Variants in SNX29 observed in about 807,000 individuals in gnomAD.
The protein encoded by SNX29 is sorting nexin 29, also known as sorting nexin-29.
A neutral mutation model predicts 102.1 loss-of-function variants in SNX29; 78 were observed. The observed-to-expected ratio is 0.76, with a 90% confidence interval of 0.64 to 0.92. SNX29 has a LOEUF of 0.92. SNX29 is among the 40% of genes least tolerant of loss of function. SNX29 has a pLI of 0.00. For synonymous variants in SNX29, 580 were observed against 414.5 expected (o/e 1.40, Z -4.85); for missense variants, 1,280 against 1,061.7 (o/e 1.21, Z -2.86).
chr16:12,323,517 TA>T (rs33988318), intron 15 of SNX29, among the ~76,000 whole-genome samples: 7,074 of 146,278 alleles, frequency 0.048, 256 homozygotes, highest in African/African-American at 0.1. Context: ...CTAGAGGTTT[TA>T]AAAAAAAAAA....
At chr16:12,297,773 T>C (rs1302681128) in intron 15 of SNX29, among the ~76,000 whole-genome samples, 2 of 152,212 alleles carry the variant, frequency 1.3e-5, no homozygotes, top group East Asian at 3.9e-4. Flanking sequence ...GGAATATCGT[T>C]GATTGGCTTC....
intron 18 of SNX29, among the ~76,000 whole-genome samples, chr16:12,422,485 G>A (rs1260665078): frequency 6.6e-6 from 1 of 152,196 alleles, no homozygotes; most frequent in African/African-American, 2.4e-5. Flanking sequence ...CAAATCCCCT[G>A]CTGCAAAAAG....
chr16:12,356,357 G>A (rs1021853342), intron 16 of SNX29, 78 bp downstream of exon 16: 17 of 1,363,716 alleles, frequency 1.2e-5, no homozygotes, highest in African/African-American at 1.4e-5. Flanking sequence ...GAGACTCACA[G>A]AGCAAGCAAC....
chr16:12,500,258 A>C (rs950512607), intron 19 of SNX29, among the ~76,000 whole-genome samples: 1 of 152,194 alleles, frequency 6.6e-6, no homozygotes, highest in Non-Finnish European at 1.5e-5. Flanking sequence ...TCAGTCTCCC[A>C]AAGTGCTAGG....
intron 19 of SNX29, among the ~76,000 whole-genome samples, chr16:12,487,742 G>A (rs1046775774): frequency 2.0e-5 from 3 of 152,136 alleles, no homozygotes; most frequent in Non-Finnish European, 4.4e-5. Flanking sequence ...ACCATCCCCC[G>A]CAACTGCTAG....
intron 20 of SNX29, among the ~76,000 whole-genome samples, chr16:12,534,760 TC>T (rs1252586078): frequency 2.0e-5 from 3 of 152,230 alleles, no homozygotes; most frequent in African/African-American, 7.2e-5. Context: ...TGGCTTTCTT[TC>T]TGCGTCTACC....
intron 20 of SNX29, among the ~76,000 whole-genome samples, chr16:12,563,102 G>A (rs1016509800): frequency 1.7e-4 from 24 of 142,102 alleles, no homozygotes; most frequent in Non-Finnish European, 2.1e-4. Flanking sequence ...GAAGACGCAC[G>A]CTAACAACAG....
At chr16:12,195,345 C>T (rs1162641940) in intron 13 of SNX29, among the ~76,000 whole-genome samples, 1 of 152,218 alleles carries the variant, frequency 6.6e-6, no homozygotes, top group Non-Finnish European at 1.5e-5. Flanking sequence ...CATCCTCATG[C>T]ATATGGTTTT....
At chr16:12,163,025 G>T (rs967662488) in intron 13 of SNX29, among the ~76,000 whole-genome samples, 4 of 152,122 alleles carry the variant, frequency 2.6e-5, no homozygotes, top group African/African-American at 7.2e-5. Context: ...GGGGCTACAG[G>T]CATGTACCAC....
chr16:12,069,645 G>A (rs1012284610), intron 10 of SNX29, among the ~76,000 whole-genome samples: 1 of 152,218 alleles, frequency 6.6e-6, no homozygotes, highest in Non-Finnish European at 1.5e-5. Context: ...GGTAGATGAC[G>A]AATGTCAACA....
At chr16:12,036,040 G>A (rs1264505800) in intron 4 of SNX29, among the ~76,000 whole-genome samples, 9 of 152,134 alleles carry the variant, frequency 5.9e-5, no homozygotes, top group African/African-American at 1.9e-4. Context: ...GCCCAGCTCC[G>A]TGGGGTTGGA....
intron 18 of SNX29, among the ~76,000 whole-genome samples, chr16:12,463,752 A>G (rs113472364): frequency 0.055 from 8,421 of 152,084 alleles, 775 homozygotes; most frequent in African/African-American, 0.19. Flanking sequence ...TGATGGTTTG[A>G]TGTACATATA....
At chr16:12,203,886 G>T (rs959823387) in intron 14 of SNX29, among the ~76,000 whole-genome samples, 2 of 152,196 alleles carry the variant, frequency 1.3e-5, no homozygotes, top group Non-Finnish European at 2.9e-5. Context: ...CCACATGTGG[G>T]TAGTGAACAT....
At chr16:12,087,990 G>A (rs1440704325) in intron 11 of SNX29, 1 of 456,680 alleles carries the variant, frequency 2.2e-6, no homozygotes, top group Admixed American at 2.3e-5. Flanking sequence ...CCTGTGCAGG[G>A]GGCCATGGTC....
chr16:12,557,341 TCAG>T (rs1009094312), intron 20 of SNX29: 1 of 151,852 alleles, frequency 6.6e-6, no homozygotes, highest in Non-Finnish European at 1.5e-5. Flanking sequence ...GGGAAGAACC[TCAG>T]AAGAGGGTGG....
intron 17 of SNX29, among the ~76,000 whole-genome samples, chr16:12,402,580 C>T (rs771851423): frequency 1.3e-5 from 2 of 152,138 alleles, no homozygotes; most frequent in South Asian, 2.1e-4. Flanking sequence ...TGGATCCAGC[C>T]GGGTACAAAT....
intron 15 of SNX29, among the ~76,000 whole-genome samples, chr16:12,330,248 G>A (rs149307519): frequency 2.0e-5 from 3 of 152,096 alleles, no homozygotes; most frequent in African/African-American, 7.2e-5. Context: ...ACCTCTCTGT[G>A]CCTGTTTCCT....
intron 18 of SNX29, among the ~76,000 whole-genome samples, chr16:12,407,176 CT>C (rs1489611177): frequency 2.5e-5 from 1 of 40,654 alleles, no homozygotes; most frequent in East Asian, 5.9e-4. Context: ...AGGGCCCCCG[CT>C]TTTTCAGCCC....
chr16:11,981,190 G>A (rs922370075), intron 1 of SNX29, among the ~76,000 whole-genome samples: 2 of 151,960 alleles, frequency 1.3e-5, no homozygotes. Context: ...GGCTGGTCTC[G>A]AACTCCTGGC....
Sources: gnomAD v4.1 joint callset for allele counts (sites outside exome capture counted in the v4.1 genomes callset) on GRCh38, gnomAD v4.1.1 for gene constraint, MANE v1.5 for transcripts, NCBI Gene and HGNC (gene_info 2026-07-23, HGNC 2026-07-21) for gene names.